The following ADD2 variants were observed in gnomAD, a reference collection of about 807,000 sequenced individuals.
ADD2 encodes the protein adducin 2.
Under a neutral mutation model 83.0 loss-of-function variants are expected in ADD2, and 23 were observed. The ratio of observed to expected loss-of-function variants is 0.28; its 90% CI spans 0.20 to 0.39. ADD2 has a LOEUF of 0.39. ADD2 is among the 10% of genes least tolerant of loss of function. ADD2 has a pLI of 1.00. For synonymous variants in ADD2, 375 were observed against 375.4 expected (o/e 1.00, Z 0.01); for missense variants, 758 against 944.9 (o/e 0.80, Z 2.59).
At position 70,674,817 on chromosome 2, in the gene ADD2, C is replaced by T. The variant is rs1670054217; in HGVS notation, c.1602G>A (p.Glu534=). The T allele has an allele frequency of 6.2e-7, 1 of 1,613,526 alleles. No homozygotes were observed. Among genetic ancestry groups the T allele is most frequent in the African/African-American group, 1.3e-5 (1 of 75,024 alleles). ...IAEKSRSPST[E]SQLMSKGDED... ...CGTCTCCCTTGGACATCAGCTGGCT[C>T]TCTGTAGACTGAAAGTTAACCACAG... Residue 534 remains glutamate, a synonymous_variant, in exon 14 of 16, where the codon GAG becomes GAA. Transcript: ENST00000264436.
chr2:70,759,470 C>A (rs1016603059), intron 1 of ADD2, among the ~76,000 whole-genome samples: 1 of 152,036 alleles, frequency 6.6e-6, no homozygotes, highest in African/African-American at 2.4e-5. Context: ...ATATTTGATC[C>A]CTCCAAAGCC....
intron 1 of ADD2, among the ~76,000 whole-genome samples, chr2:70,761,636 C>T (rs1296751592): frequency 7.0e-6 from 1 of 143,480 alleles, no homozygotes; most frequent in East Asian, 2.0e-4. Flanking sequence ...TTAAAGTATA[C>T]TAAATCTCTC....
intron 1 of ADD2, among the ~76,000 whole-genome samples, chr2:70,744,666 T>A (rs1674089615): frequency 6.6e-6 from 1 of 152,220 alleles, no homozygotes; most frequent in Non-Finnish European, 1.5e-5. Context: ...CTGCCTTTTT[T>A]CTAAGAATAA....
chr2:70,704,263 T>TGGCCCCCCCCCCCCCCCCCCCCCCCC, intron 4 of ADD2, 58 bp downstream of exon 4: 30 of 913,230 alleles, frequency 3.3e-5, no homozygotes, highest in East Asian at 8.8e-5. Flanking sequence ...CTCCCTCTCT[T>TGGCCCCCCCCCCCCCCCCCCCCCCCC]CCCCACCCCA....
At position 70,675,664 on chromosome 2, in the gene ADD2, G is replaced by A. The variant is rs567120992; in HGVS notation, c.1594-839C>T. ...AAAGAGAGTGAAGCCAAAGGGAGGT[G>A]AGCCTGGAGGCTGCCAGTCCTCCCT... On this transcript the variant is annotated intron_variant, in intron 13 of 15. Coordinates refer to ENST00000264436, the MANE Select transcript of ADD2 (RefSeq NM_001617.4). 21 of 985,442 alleles carry A rather than the reference G, an allele frequency of 2.1e-5. No homozygotes were observed. The South Asian group carries it at 8.5e-4, about 40-fold the overall frequency. The allele number at this position is 985,442 out of a possible 1,614,324, so 61.0% of individuals were successfully genotyped here.
chr2:70,717,185 C>G (rs1334586604), intron 1 of ADD2, among the ~76,000 whole-genome samples: 1 of 151,804 alleles, frequency 6.6e-6, no homozygotes, highest in Non-Finnish European at 1.5e-5. Flanking sequence ...GGGATTCGCC[C>G]TGGTAGGAGG....
intron 1 of ADD2, among the ~76,000 whole-genome samples, chr2:70,727,886 ACT>A (rs1673088404): frequency 1.4e-5 from 2 of 140,930 alleles, no homozygotes; most frequent in Admixed American, 1.5e-4. Flanking sequence ...ACAGAGGGAG[ACT>A]CTGTCAATAA....
rs532479462 is a variant in ADD2 at position 70,709,696 on chromosome 2, G to C, written c.-34-3254C>G. ...ATACATTCGTGTAATAAAGGCGGAA[G>C]CATGGAGGATCTGGGTTTCCTGGAG... On this transcript the variant is annotated intron_variant, in intron 2 of 15. Coordinates refer to ENST00000264436, the MANE Select transcript of ADD2 (RefSeq NM_001617.4). Among the ~76,000 whole-genome samples, 13 of 152,328 alleles carry C rather than the reference G, an allele frequency of 8.5e-5. No homozygotes were observed. The South Asian group carries it at 2.7e-3, about 32-fold the overall frequency.
At chr2:70,697,152 C>A (rs782781508) in intron 4 of ADD2, among the ~76,000 whole-genome samples, 3 of 152,094 alleles carry the variant, frequency 2.0e-5, no homozygotes, top group Non-Finnish European at 4.4e-5. Context: ...GTCCCCCACA[C>A]CCTCCCAAAA....
intron 13 of ADD2, chr2:70,675,431 G>C: frequency 1.0e-6 from 1 of 985,520 alleles, no homozygotes. Context: ...GGTCCCTGCA[G>C]GGATACTGGC....
At chr2:70,761,741 G>A (rs1239284355) in intron 1 of ADD2, among the ~76,000 whole-genome samples, 3 of 149,502 alleles carry the variant, frequency 2.0e-5, no homozygotes, top group Non-Finnish European at 3.0e-5. Flanking sequence ...GTGCAATCTC[G>A]GCTCACTGCA....
At chr2:70,670,791 C>T (rs782573789) in intron 15 of ADD2, among the ~76,000 whole-genome samples, 3 of 152,272 alleles carry the variant, frequency 2.0e-5, no homozygotes, top group South Asian at 2.1e-4. Context: ...GGCTTCACAC[C>T]GGGCTCCCCA....
chr2:70,738,072 C>T (rs1197240547), intron 1 of ADD2, among the ~76,000 whole-genome samples: 2 of 152,198 alleles, frequency 1.3e-5, no homozygotes, highest in African/African-American at 4.8e-5. Context: ...ACCATGAGGC[C>T]TCGTGTTGTT....
intron 2 of ADD2, among the ~76,000 whole-genome samples, chr2:70,710,868 C>T (rs1342188816): frequency 1.3e-5 from 2 of 152,194 alleles, no homozygotes; most frequent in African/African-American, 4.8e-5. Flanking sequence ...ATAGCAAGTG[C>T]TATTAACTAT....
chr2:70,666,149 T>C (rs897782029), intron 15 of ADD2, among the ~76,000 whole-genome samples: 1 of 152,210 alleles, frequency 6.6e-6, no homozygotes, highest in Admixed American at 6.5e-5. Context: ...CTCCCCCTTC[T>C]ACACTGAAAT....
intron 2 of ADD2, among the ~76,000 whole-genome samples, chr2:70,711,489 G>A (rs1030294487): frequency 4.6e-5 from 7 of 152,036 alleles, no homozygotes; most frequent in African/African-American, 1.7e-4. Flanking sequence ...CCAGACAAGT[G>A]GCAAATGATT....
rs13306101 is a variant in ADD2, at chr2:70,677,737, G to C, written c.1503+21C>G. 1,555 of 1,612,874 alleles carry C rather than the reference G, an allele frequency of 9.6e-4. 21 individuals carry two copies. In the East Asian group the frequency reaches 0.03, roughly 31 times the overall value. On this transcript the variant is annotated intron_variant, in intron 12 of 15. Transcript: ENST00000264436. The stretch of plus-strand genomic sequence containing the variant: ...CCCCAGTGTGGGAGAAGAAAGAGTG[G>C]GATAAACAGACCCCACTTACCTTGT...
Position 70,684,349 on chromosome 2 carries a change from G to A in ADD2, c.949-582C>T, listed in dbSNP as rs143781982. On this transcript the variant is annotated intron_variant, in intron 9 of 15. Coordinates refer to ENST00000264436, the MANE Select transcript of ADD2 (RefSeq NM_001617.4). ...TGCAGCCTTAACCTCCCAGGCTTCAGCTATCCTCCCACCTCAGCCTCCTGA... is the reference window on the plus strand; with the variant it reads ...TGCAGCCTTAACCTCCCAGGCTTCAACTATCCTCCCACCTCAGCCTCCTGA... 1.9e-3 allele frequency among the ~76,000 whole-genome samples: 285 copies of A among 152,262 alleles called. 1 individual carries two copies. The highest frequency in any genetic ancestry group is 6.6e-3 in the African/African-American group (275 of 41,542).
chr2:70,713,678 G>T (rs919870716), intron 1 of ADD2, among the ~76,000 whole-genome samples: 2 of 152,146 alleles, frequency 1.3e-5, no homozygotes, highest in African/African-American at 4.8e-5. Context: ...TTAAAGAGAA[G>T]AATTGGAGAA....
Sources: gnomAD v4.1 joint callset for allele counts (sites outside exome capture counted in the v4.1 genomes callset) on GRCh38, gnomAD v4.1.1 for gene constraint, MANE v1.5 for transcripts, NCBI Gene and HGNC (gene_info 2026-07-23, HGNC 2026-07-21) for gene names.